ZMYM5: variants seen among roughly 807,000 people sequenced by gnomAD.
ZMYM5 encodes the protein zinc finger MYM-type protein 5.
A neutral mutation model predicts 61.8 loss-of-function variants in ZMYM5; 41 were observed. That is an observed-to-expected ratio of 0.66 (90% CI 0.52 to 0.86). The LOEUF (loss-of-function observed/expected upper bound fraction) is 0.86. ZMYM5 is among the 40% of genes least tolerant of loss of function. The pLI, the probability that ZMYM5 is intolerant of heterozygous loss-of-function variation, is 0.00. For missense variants in ZMYM5, 706 were observed against 786.7 expected, an observed-to-expected ratio of 0.90 and a Z score of 1.23; for synonymous variants, 257 against 276.4, an observed-to-expected ratio of 0.93 and a Z score of 0.70.
Position 19,835,685 on chromosome 13 carries a change from C to T in ZMYM5, c.1043G>A (p.Arg348His), listed in dbSNP as rs534076583. Residue 348 changes from arginine (R) to histidine (H), a missense_variant, in exon 7 of 8, where the codon CGC (arginine) becomes CAC (histidine). Physicochemically the swap from Arg to His is conservative, Grantham distance 29. Transcript: ENST00000337963. The part of the protein sequence containing the change: ...CTICSKLAEI[R>H]HEVSVNNVTH... Reference sequence around the variant, plus strand: ...TACATTATTTACGCTGACTTCATGGCGAATCTAAAAGAAAAACCAGAATTC... The same window carrying T: ...TACATTATTTACGCTGACTTCATGGTGAATCTAAAAGAAAAACCAGAATTC... 38 of 1,366,536 alleles carry T rather than the reference C, an allele frequency of 2.8e-5. No homozygotes were observed. Among genetic ancestry groups the T allele is most frequent in the East Asian group, 1.8e-4 (4 of 21,968 alleles). 84.7% of individuals were successfully genotyped at this position (1,366,536 alleles called of 1,614,324 possible). A position where few individuals can be genotyped will look rare whatever the true frequency, so the allele number is the denominator to read the frequency against.
rs779070711 is a variant in ZMYM5 at position 19,852,122 on chromosome 13, C to T, written c.59G>A (p.Gly20Glu). ...ELTEQTPALLGNMAMATSLMD... is the reference protein window; with the variant it reads ...ELTEQTPALLENMAMATSLMD... ...GAGACTAGTTGCCATGGCCATATTC[C>T]CTAATAAAGCAGGAGTCTGTTCAGT... is the stretch of plus-strand genomic sequence containing the variant. The change falls in exon 3 of 8, where the codon GGG becomes GAG. Residue 20 changes from glycine to glutamate, a missense_variant. Physicochemically the swap from Gly to Glu is moderately conservative, Grantham distance 98. Around this residue, in one of 2 missense-constraint regions of ZMYM5, gnomAD observed 480 missense variants for 461.7 expected, o/e 1.04. Coordinates refer to ENST00000337963, the MANE Select transcript of ZMYM5 (RefSeq NM_001142684.2). The T allele has an allele frequency of 4.3e-6, 7 of 1,613,230 alleles. No homozygotes were observed. The highest frequency in any genetic ancestry group is 5.9e-6 in the Non-Finnish European group (7 of 1,179,988).
rs1449337974 is a variant in ZMYM5 at position 19,838,929 on chromosome 13, C to T, written c.643G>A (p.Asp215Asn). The T allele has an allele frequency of 1.2e-6, 2 of 1,614,100 alleles. No individual in the cohort carries two copies. The highest frequency in any genetic ancestry group is 1.7e-6 in the Non-Finnish European group (2 of 1,180,018). Residue 215 changes from aspartate (D) to asparagine (N), a missense_variant, in exon 5 of 8, where the codon GAT becomes AAT. By Grantham distance (23) the Asp-to-Asn change is conservative (BLOSUM62 1). Transcript: ENST00000337963. ...FPSNQKQPGVDSLSPVALLRK... is the reference protein window; with the variant it reads ...FPSNQKQPGVNSLSPVALLRK... ...AGTAAGGCCACTGGTGATAAAGAAT[C>T]CACCCCTGGCTGTTTCTGATTACTG...
chr13:19,825,155 T>G lies in ZMYM5; in HGVS notation c.1332A>C (p.Gln444His). 1 of 1,323,136 alleles carries G rather than the reference T, an allele frequency of 7.6e-7. No homozygotes were observed. Among genetic ancestry groups the G allele is most frequent in the Admixed American group, 2.3e-5 (1 of 43,836 alleles). The allele number at this position is 1,323,136 out of a possible 1,614,324, so 82.0% of individuals were successfully genotyped here. A position where few individuals can be genotyped will look rare whatever the true frequency, so the allele number is the denominator to read the frequency against. ...AAAGTGTATTTGACGATCCATATAA[T>G]TGTTTCTCATTTTCTTCTCTAAAAG... ...RNAFREENEK[Q>H]LYGSSNTLLK... Residue 444 changes from glutamine to histidine, a missense_variant, in exon 8 of 8, where the codon CAA (glutamine) becomes CAC (histidine). By Grantham distance (24) the Gln-to-His change is conservative (BLOSUM62 0). This residue lies in a region of ZMYM5 where 226 missense variants were observed against 325.0 expected (regional missense o/e 0.70). Coordinates refer to ENST00000337963, the MANE Select transcript of ZMYM5 (RefSeq NM_001142684.2).
chr13:19,837,884 TTAA>T lies in ZMYM5; in HGVS notation c.873-66_873-64del, dbSNP rs59783143. 1,381 of 1,482,204 alleles carry T rather than the reference TTAA, an allele frequency of 9.3e-4. 14 individuals are homozygous for T. In the African/African-American group the frequency reaches 0.016, roughly 17 times the overall value. 91.8% of individuals were successfully genotyped at this position (1,482,204 alleles called of 1,614,324 possible). On this transcript the variant is annotated intron_variant, in intron 5 of 7. Transcript: ENST00000337963. ...TGAATTTTAATACAAGTCAAATATA[TTAA>T]TAATAATTGCCATTTTTCATTTTCT...
intron 2 of ZMYM5, among the ~76,000 whole-genome samples, chr13:19,856,969 G>A (rs1005611748): frequency 2.0e-5 from 3 of 152,092 alleles, no homozygotes; most frequent in Non-Finnish European, 2.9e-5. Context: ...AGCCGGGTGT[G>A]GTGGTGGGCG....
intron 4 of ZMYM5, among the ~76,000 whole-genome samples, chr13:19,845,778 A>G (rs1302323132): frequency 6.6e-6 from 1 of 152,208 alleles, no homozygotes; most frequent in Non-Finnish European, 1.5e-5. Flanking sequence ...TTTCTGGGCC[A>G]GCTTTCAGTG....
intron 4 of ZMYM5, 144 bp downstream of exon 4, chr13:19,851,207 GAAAC>G: frequency 1.3e-6 from 1 of 743,078 alleles, no homozygotes; most frequent in Non-Finnish European, 2.2e-6. Flanking sequence ...TGAGAAGAGC[GAAAC>G]TCGGTCTCCA....
chr13:19,828,457 G>C (rs1441028471), intron 7 of ZMYM5, among the ~76,000 whole-genome samples: 1 of 152,156 alleles, frequency 6.6e-6, no homozygotes, highest in East Asian at 1.9e-4. Context: ...CTGGGAGACA[G>C]AGTGAGACTC....
intron 4 of ZMYM5, among the ~76,000 whole-genome samples, chr13:19,839,957 G>A (rs757912414): frequency 1.4e-4 from 22 of 152,254 alleles, no homozygotes; most frequent in South Asian, 4.1e-4. Flanking sequence ...ATTACTTATA[G>A]GCGAGATCCT....
intron 2 of ZMYM5, among the ~76,000 whole-genome samples, chr13:19,853,327 T>TA (rs1953381910): frequency 6.6e-6 from 1 of 152,222 alleles, no homozygotes; most frequent in Admixed American, 6.5e-5. Flanking sequence ...GCACAGGTGG[T>TA]AATGAAATTG....
chr13:19,840,949 T>C (rs929113842), intron 4 of ZMYM5, among the ~76,000 whole-genome samples: 1 of 151,656 alleles, frequency 6.6e-6, no homozygotes, highest in Non-Finnish European at 1.5e-5. Context: ...AGTGCTGGGA[T>C]TACAGGCCTG....
At chr13:19,860,657 C>T (rs1381933992) in intron 2 of ZMYM5, among the ~76,000 whole-genome samples, 14 of 151,490 alleles carry the variant, frequency 9.2e-5, no homozygotes, top group Non-Finnish European at 1.6e-4. Context: ...AGGCTAGTCT[C>T]GAACTTCTGA....
chr13:19,860,533 C>T (rs1470943067), intron 2 of ZMYM5, among the ~76,000 whole-genome samples: 1 of 150,814 alleles, frequency 6.6e-6, no homozygotes, highest in Non-Finnish European at 1.5e-5. Flanking sequence ...GAACTCTCGA[C>T]CTCAGGTGAT....
intron 2 of ZMYM5, among the ~76,000 whole-genome samples, chr13:19,860,448 ATGTGTGTGTGTG>A (rs1205444485): frequency 7.1e-6 from 1 of 141,444 alleles, no homozygotes; most frequent in African/African-American, 2.6e-5. Context: ...GTGTGTGTGT[ATGTGTGTGTGTG>A]TGTGTGTGTG....
intron 4 of ZMYM5, among the ~76,000 whole-genome samples, chr13:19,840,367 C>T (rs1411568977): frequency 6.6e-6 from 1 of 152,166 alleles, no homozygotes; most frequent in Non-Finnish European, 1.5e-5. Flanking sequence ...ATAAAATTAG[C>T]TGGGTGTGGT....
Position 19,827,343 on chromosome 13 carries a change from T to C in ZMYM5, c.1252-2108A>G, listed in dbSNP as rs547588808. 3.1e-4 allele frequency among the ~76,000 whole-genome samples: 47 copies of C among 152,312 alleles called. 1 individual carries two copies. Among genetic ancestry groups the C allele is most frequent in the African/African-American group, 1.1e-3 (46 of 41,578 alleles). On this transcript the variant is annotated intron_variant, in intron 7 of 7. Transcript: ENST00000337963. Reference sequence around the variant, plus strand: ...TAATTCAGGTATACATAATACTTTGTTCATCAATTATTAATGACAAGTGAT... The same window carrying C: ...TAATTCAGGTATACATAATACTTTGCTCATCAATTATTAATGACAAGTGAT...
intron 2 of ZMYM5, among the ~76,000 whole-genome samples, chr13:19,854,126 C>T (rs1262150247): frequency 6.6e-6 from 1 of 152,162 alleles, no homozygotes. Context: ...TCTTCTGCCT[C>T]AGCCTCCCAA....
At chr13:19,831,816 C>CATATG (rs1175216472) in intron 7 of ZMYM5, among the ~76,000 whole-genome samples, 1 of 126,672 alleles carries the variant, frequency 7.9e-6, no homozygotes, top group East Asian at 2.6e-4. Context: ...AAAAAAAAAC[C>CATATG]ATATGTATAG....
At chr13:19,854,310 A>T (rs1953426933) in intron 2 of ZMYM5, among the ~76,000 whole-genome samples, 1 of 152,116 alleles carries the variant, frequency 6.6e-6, no homozygotes, top group African/African-American at 2.4e-5. Context: ...GCCCGGCCAA[A>T]ATATGCTAAC....
Sources: gnomAD v4.1 joint callset for allele counts (sites outside exome capture counted in the v4.1 genomes callset) on GRCh38, gnomAD v4.1.1 for gene constraint, gnomAD v4.1.1 regional missense constraint, MANE v1.5 for transcripts, NCBI Gene and HGNC (gene_info 2026-07-23, HGNC 2026-07-21) for gene names.